LPP: variants seen among roughly 807,000 people sequenced by gnomAD.
LPP encodes LIM domain containing preferred translocation partner in lipoma, also known as lipoma-preferred partner.
In LPP, 38 loss-of-function variants were observed where a neutral mutation model predicts 60.4. The ratio of observed to expected loss-of-function variants is 0.63; its 90% CI spans 0.49 to 0.83. The LOEUF (loss-of-function observed/expected upper bound fraction) is 0.83. Among genes scored for constraint, LPP ranks in the 40% least tolerant of loss-of-function variants. The pLI is 0.00. For synonymous variants in LPP, 328 were observed against 290.8 expected, an observed-to-expected ratio of 1.13 and a Z score of -1.30; for missense variants, 902 against 783.6, an observed-to-expected ratio of 1.15 and a Z score of -1.80.
At chr3:188,154,555 A>G (rs1020359712) in intron 1 of LPP, among the ~76,000 whole-genome samples, 1 of 152,204 alleles carries the variant, frequency 6.6e-6, no homozygotes, top group Non-Finnish European at 1.5e-5. Flanking sequence ...CCATCCGCTT[A>G]GAGCTTTCGC....
intron 7 of LPP, among the ~76,000 whole-genome samples, chr3:188,644,858 C>G (rs754536675): frequency 2.0e-5 from 3 of 152,134 alleles, no homozygotes; most frequent in Admixed American, 6.5e-5. Flanking sequence ...GTGCAGGGTG[C>G]AGACAAGAGA....
At chr3:188,433,958 TGAGA>T (rs1791667615) in intron 4 of LPP, among the ~76,000 whole-genome samples, 1 of 152,134 alleles carries the variant, frequency 6.6e-6, no homozygotes, top group African/African-American at 2.4e-5. Flanking sequence ...GTCCACATCG[TGAGA>T]GAAAGTGGGG....
intron 4 of LPP, among the ~76,000 whole-genome samples, chr3:188,473,655 T>C (rs1161458814): frequency 6.6e-6 from 1 of 152,206 alleles, no homozygotes; most frequent in Non-Finnish European, 1.5e-5. Flanking sequence ...AAGCTAAGTA[T>C]TTTCAAATTC....
intron 6 of LPP, among the ~76,000 whole-genome samples, chr3:188,579,880 G>T (rs1466146661): frequency 6.6e-6 from 1 of 150,770 alleles, no homozygotes; most frequent in African/African-American, 2.4e-5. Flanking sequence ...GGGTTGGGGG[G>T]GTTGGGGGTG....
At chr3:188,322,275 G>C (rs1014636846) in intron 2 of LPP, among the ~76,000 whole-genome samples, 1 of 152,136 alleles carries the variant, frequency 6.6e-6, no homozygotes, top group South Asian at 2.1e-4. Flanking sequence ...TTGTGAACCA[G>C]AGCCTCTGTG....
At chr3:188,627,550 G>A (rs530565528) in intron 7 of LPP, among the ~76,000 whole-genome samples, 4 of 152,156 alleles carry the variant, frequency 2.6e-5, no homozygotes, top group African/African-American at 7.2e-5. Flanking sequence ...GACAAAAAAA[G>A]GGCATTACAT....
chr3:188,584,580 T>TGTGC (rs1193446388), intron 6 of LPP: 1 of 151,590 alleles, frequency 6.6e-6, no homozygotes, highest in Non-Finnish European at 1.5e-5. Flanking sequence ...TGTGTGTGTG[T>TGTGC]GAAGTTGGCC....
At chr3:188,517,211 T>C (rs1220466429) in intron 5 of LPP, among the ~76,000 whole-genome samples, 1 of 152,180 alleles carries the variant, frequency 6.6e-6, no homozygotes, top group Non-Finnish European at 1.5e-5. Flanking sequence ...AAGCCAGCAA[T>C]TGGGAGATAC....
intron 3 of LPP, among the ~76,000 whole-genome samples, chr3:188,362,007 C>T (rs556457726): frequency 6.6e-6 from 1 of 152,256 alleles, no homozygotes; most frequent in South Asian, 2.1e-4. Flanking sequence ...GGGACACAAA[C>T]ACATAAATAA....
At chr3:188,607,072 C>CT (rs201199635) in intron 6 of LPP, among the ~76,000 whole-genome samples, 98 of 147,444 alleles carry the variant, frequency 6.6e-4, no homozygotes, top group African/African-American at 1.8e-3. Flanking sequence ...TTAAAAGTAA[C>CT]TTTTTTTTTA....
At chr3:188,872,940 A>C (rs921450638) in intron 11 of LPP, among the ~76,000 whole-genome samples, 177 bp downstream of exon 11, 1 of 152,164 alleles carries the variant, frequency 6.6e-6, no homozygotes, top group Non-Finnish European at 1.5e-5. Context: ...TGAATAAGTC[A>C]CTGTACCTCT....
chr3:188,465,238 A>G (rs918703135), intron 4 of LPP, among the ~76,000 whole-genome samples: 1 of 152,022 alleles, frequency 6.6e-6, no homozygotes, highest in Non-Finnish European at 1.5e-5. Flanking sequence ...TTTCTGGATT[A>G]CTCTGTTTTT....
chr3:188,733,193 A>T (rs1721271590), intron 8 of LPP, among the ~76,000 whole-genome samples: 1 of 152,026 alleles, frequency 6.6e-6, no homozygotes, highest in South Asian at 2.1e-4. Flanking sequence ...GTACAGTCTA[A>T]AGGGAACATT....
At chr3:188,557,897 T>C (rs939546487) in intron 6 of LPP, among the ~76,000 whole-genome samples, 2 of 152,098 alleles carry the variant, frequency 1.3e-5, no homozygotes, top group African/African-American at 4.8e-5. Context: ...TTATAAATCA[T>C]CAAGCAGGTA....
At chr3:188,255,916 G>A (rs1198742204) in intron 2 of LPP, among the ~76,000 whole-genome samples, 1 of 152,054 alleles carries the variant, frequency 6.6e-6, no homozygotes, top group Non-Finnish European at 1.5e-5. Context: ...GCATTGATGC[G>A]AACATCACAC....
At chr3:188,684,260 A>T (rs1048813766) in intron 7 of LPP, among the ~76,000 whole-genome samples, 1 of 152,262 alleles carries the variant, frequency 6.6e-6, no homozygotes, top group Non-Finnish European at 1.5e-5. Flanking sequence ...TTCCATGTAC[A>T]ACAGGCTGAG....
At chr3:188,427,063 G>A (rs746952446) in intron 4 of LPP, among the ~76,000 whole-genome samples, 11 of 152,028 alleles carry the variant, frequency 7.2e-5, no homozygotes, top group Non-Finnish European at 1.2e-4. Flanking sequence ...TTTACAATGC[G>A]CTATGTTTTT....
At chr3:188,863,004 C>T (rs1305777616) in intron 9 of LPP, among the ~76,000 whole-genome samples, 2 of 151,954 alleles carry the variant, frequency 1.3e-5, no homozygotes, top group Non-Finnish European at 2.9e-5. Context: ...CCTCTATGAT[C>T]CTTACAATTT....
chr3:188,530,721 C>T (rs116638890), intron 6 of LPP, among the ~76,000 whole-genome samples: 3 of 152,156 alleles, frequency 2.0e-5, no homozygotes, highest in Non-Finnish European at 4.4e-5. Context: ...TCTTTTATGG[C>T]GTCTTCTTTA....
Sources: allele counts gnomAD v4.1 joint callset (sites outside exome capture counted in the v4.1 genomes callset), GRCh38; gene constraint gnomAD v4.1.1; transcripts MANE v1.5; gene names NCBI Gene and HGNC (gene_info 2026-07-23, HGNC 2026-07-21).